The following RMND1 variants were observed in gnomAD, a reference collection of about 807,000 sequenced individuals.
The protein encoded by RMND1 is required for meiotic nuclear division protein 1 homolog.
In RMND1, 41 loss-of-function variants were observed where a neutral mutation model predicts 54.0. The observed-to-expected ratio is 0.76, with a 90% CI of 0.59 to 0.98. The LOEUF is 0.98. RMND1 is among the 50% of genes least tolerant of loss of function. RMND1 has a pLI of 0.00. For missense variants in RMND1, 457 were observed against 532.0 expected (o/e 0.86, Z 1.39); for synonymous variants, 183 against 181.7 (o/e 1.01, Z -0.06).
At chr6:151,426,206 C>T (rs1376706584) in intron 6 of RMND1, among the ~76,000 whole-genome samples, 1 of 152,202 alleles carries the variant, frequency 6.6e-6, no homozygotes, top group Admixed American at 6.5e-5. Context: ...CCTGGCCTCC[C>T]AAAGTGCTGA....
At chr6:151,426,858 C>T (rs936805960) in intron 6 of RMND1, among the ~76,000 whole-genome samples, 3 of 151,990 alleles carry the variant, frequency 2.0e-5, no homozygotes, top group Non-Finnish European at 4.4e-5. Context: ...CAACCTCCGC[C>T]TCCCAGGTTC....
At chr6:151,417,516 G>A in intron 9 of RMND1, 117 bp from the exon 10 acceptor site, 1 of 744,500 alleles carries the variant, frequency 1.3e-6, no homozygotes, top group Non-Finnish European at 2.1e-6. Context: ...GTAAGAGAGA[G>A]GGTCTTGCTA....
chr6:151,429,364 G>A (rs1780391716), intron 5 of RMND1, among the ~76,000 whole-genome samples: 1 of 152,078 alleles, frequency 6.6e-6, no homozygotes, highest in Non-Finnish European at 1.5e-5. Flanking sequence ...CAAGATACCT[G>A]CCGGCCTTGG....
intron 10 of RMND1, among the ~76,000 whole-genome samples, chr6:151,407,149 G>C (rs1779653344): frequency 6.6e-6 from 1 of 151,626 alleles, no homozygotes; most frequent in Admixed American, 6.6e-5. Flanking sequence ...GTGAGATCCT[G>C]TCTCCAAAAA....
At chr6:151,419,725 A>T (rs550508048) in intron 9 of RMND1, among the ~76,000 whole-genome samples, 55 of 152,150 alleles carry the variant, frequency 3.6e-4, no homozygotes, top group African/African-American at 1.1e-3. Flanking sequence ...ATTAAAAAAA[A>T]AAGGAAAATA....
intron 10 of RMND1, chr6:151,411,261 A>G (rs777324260): frequency 1.3e-5 from 2 of 152,280 alleles, no homozygotes; most frequent in East Asian, 1.9e-4. Context: ...GCCCGGCCCT[A>G]TAAGAGATTT....
chr6:151,445,879 TATA>T lies in RMND1; in HGVS notation c.-14-57_-14-55del, dbSNP rs2114972106. On this transcript the variant is annotated intron_variant, in intron 1 of 11. Coordinates refer to ENST00000444024, the MANE Select transcript of RMND1 (RefSeq NM_017909.4). The stretch of plus-strand genomic sequence containing the variant: ...TTTTTAAATTAATGTTTAAAACATA[TATA>T]ATATTTCCCTAGGTAGCAGGCATAT... The T allele has an allele frequency of 2.8e-6, 4 of 1,409,008 alleles. No homozygotes were observed. The African/African-American group carries it at 4.3e-5, about 15-fold the overall frequency. 87.3% of individuals were successfully genotyped at this position (1,409,008 alleles called of 1,614,324 possible). A position where few individuals can be genotyped will look rare whatever the true frequency, so the allele number is the denominator to read the frequency against.
chr6:151,412,563 T>A (rs1466833646), intron 10 of RMND1, among the ~76,000 whole-genome samples: 4 of 152,206 alleles, frequency 2.6e-5, no homozygotes, highest in Non-Finnish European at 5.9e-5. Context: ...ACAGTCTCTC[T>A]TGCTCTCTGT....
rs964189791 is a variant in RMND1, at chr6:151,433,627, C to T, written c.614-397G>A. 4.6e-5 allele frequency among the ~76,000 whole-genome samples: 7 copies of T among 152,192 alleles called. No individual in the cohort carries two copies. In the East Asian group the frequency reaches 1.2e-3, roughly 25 times the overall value. On this transcript the variant is annotated intron_variant, in intron 3 of 11. Transcript: ENST00000444024. The stretch of plus-strand genomic sequence containing the variant: ...TGAAGAAGTATTAATATATTCTCTT[C>T]CTATAAATACCATTTCATTAATAAT...
At position 151,434,616 on chromosome 6, in the gene RMND1, T is replaced by C. The variant is rs576054232; in HGVS notation, c.614-1386A>G. Among the ~76,000 whole-genome samples, 4 of 152,290 alleles carry C rather than the reference T, an allele frequency of 2.6e-5. No homozygotes were observed. In the South Asian group the frequency reaches 8.3e-4, roughly 32 times the overall value. Reference sequence around the variant, plus strand: ...TTTTCATACCAAGGGGCTCTAGACATAGCTCTGTCTTTCTAAGTCAACTAT... The same window carrying C: ...TTTTCATACCAAGGGGCTCTAGACACAGCTCTGTCTTTCTAAGTCAACTAT... On this transcript the variant is annotated intron_variant, in intron 3 of 11. Coordinates refer to ENST00000444024, the MANE Select transcript of RMND1 (RefSeq NM_017909.4).
At chr6:151,407,300 CCCCT>C (rs1259140791) in intron 10 of RMND1, among the ~76,000 whole-genome samples, 3 of 151,974 alleles carry the variant, frequency 2.0e-5, no homozygotes, top group African/African-American at 7.3e-5. Context: ...CTCTTCCTTT[CCCCT>C]CCCTGTTTTC....
chr6:151,434,763 T>G (rs976477949), intron 3 of RMND1, among the ~76,000 whole-genome samples: 26 of 152,250 alleles, frequency 1.7e-4, no homozygotes, highest in African/African-American at 6.3e-4. Flanking sequence ...TTTCAACCTA[T>G]TTTTGCTACT....
At chr6:151,434,021 T>C (rs1352544200) in intron 3 of RMND1, among the ~76,000 whole-genome samples, 1 of 149,546 alleles carries the variant, frequency 6.7e-6, no homozygotes, top group Non-Finnish European at 1.5e-5. Context: ...AAGTTTTTGT[T>C]TATGTTTTGT....
chr6:151,409,260 AGCCTAGG>A (rs1369522635), intron 10 of RMND1, among the ~76,000 whole-genome samples: 2 of 152,250 alleles, frequency 1.3e-5, no homozygotes, highest in Non-Finnish European at 2.9e-5. Context: ...CTGTTTCACC[AGCCTAGG>A]GCCTATCATA....
chr6:151,406,056 A>C (rs1260126135), intron 10 of RMND1, among the ~76,000 whole-genome samples: 1 of 152,230 alleles, frequency 6.6e-6, no homozygotes, highest in Non-Finnish European at 1.5e-5. Flanking sequence ...TTCTATTTGT[A>C]AGATTTTGAT....
chr6:151,449,644 C>A (rs1282613753), intron 1 of RMND1, among the ~76,000 whole-genome samples: 1 of 151,908 alleles, frequency 6.6e-6, no homozygotes, highest in Admixed American at 6.5e-5. Flanking sequence ...CTCCCTCTCC[C>A]TCCTCTCCCT....
Position 151,430,346 on chromosome 6 carries a change from G to A in RMND1, c.690-169C>T, listed in dbSNP as rs1780417842. The A allele has an allele frequency of 7.9e-6, 4 of 506,324 alleles. No homozygotes were observed. In the South Asian group the frequency reaches 1.4e-4, roughly 18 times the overall value. 31.4% of individuals were successfully genotyped at this position (506,324 alleles called of 1,614,324 possible). On this transcript the variant is annotated intron_variant, in intron 4 of 11. Transcript: ENST00000444024. ...TCCTTAGGTGAACTTCCTACAATAA[G>A]AGCTAAAATAAAATTCTTGATAAAA... is the stretch of plus-strand genomic sequence containing the variant.
chr6:151,443,817 C>T (rs1171890014), intron 2 of RMND1, among the ~76,000 whole-genome samples: 6 of 152,216 alleles, frequency 3.9e-5, no homozygotes, highest in Non-Finnish European at 8.8e-5. Context: ...CCCTCTCCCA[C>T]AACAATAAAC....
intron 1 of RMND1, chr6:151,446,042 G>C (rs1018669097): frequency 2.1e-6 from 1 of 482,424 alleles, no homozygotes; most frequent in African/African-American, 1.9e-5. Context: ...AAGATTACAA[G>C]ATTATAAAGC....
Sources: gnomAD v4.1 joint callset for allele counts (sites outside exome capture counted in the v4.1 genomes callset) on GRCh38, gnomAD v4.1.1 for gene constraint, MANE v1.5 for transcripts, NCBI Gene and HGNC (gene_info 2026-07-23, HGNC 2026-07-21) for gene names.